DOCK8: variants seen among roughly 807,000 people sequenced by gnomAD.
DOCK8 encodes dedicator of cytokinesis 8, also known as dedicator of cytokinesis protein 8.
Under a neutral mutation model 245.6 loss-of-function variants are expected in DOCK8, and 141 were observed. The ratio of observed to expected loss-of-function variants is 0.57; its 90% CI spans 0.50 to 0.66. DOCK8 has a LOEUF of 0.66. Among genes scored for constraint, DOCK8 ranks in the 30% least tolerant of loss-of-function variants. The probability of loss-of-function intolerance (pLI) is 0.00; values close to 1 mark genes in which losing one functional copy is unlikely to be tolerated. For synonymous variants in DOCK8, 1,168 were observed against 970.2 expected (o/e 1.20, Z -3.79); for missense variants, 2,965 against 2,603.4 (o/e 1.14, Z -3.02).
intron 3 of DOCK8, among the ~76,000 whole-genome samples, chr9:287,791 C>CT (rs1309666210): frequency 1.3e-5 from 2 of 152,172 alleles, no homozygotes; most frequent in Non-Finnish European, 2.9e-5. Flanking sequence ...ACTATTTCAT[C>CT]TTTAGTGAAG....
intron 18 of DOCK8, among the ~76,000 whole-genome samples, chr9:372,681 G>C (rs1420198764): frequency 6.6e-6 from 1 of 152,164 alleles, no homozygotes; most frequent in Non-Finnish European, 1.5e-5. Context: ...CCCTCCGGTA[G>C]ATACCAAGGT....
chr9:363,516 C>G (rs963591707), intron 14 of DOCK8, among the ~76,000 whole-genome samples: 1 of 152,142 alleles, frequency 6.6e-6, no homozygotes, highest in South Asian at 2.1e-4. Context: ...CTCTTGTATT[C>G]GTTTCTTTAA....
At chr9:271,408 C>T (rs1201870479) in intron 1 of DOCK8, among the ~76,000 whole-genome samples, 1 of 152,184 alleles carries the variant, frequency 6.6e-6, no homozygotes, top group Non-Finnish European at 1.5e-5. Flanking sequence ...CAGGACCTGA[C>T]TGCAGGCATC....
chr9:417,214 C>T (rs2056062942), intron 29 of DOCK8, among the ~76,000 whole-genome samples: 1 of 152,112 alleles, frequency 6.6e-6, no homozygotes, highest in African/African-American at 2.4e-5. Flanking sequence ...GATGGAGGGG[C>T]AGAGATTGCA....
chr9:317,431 T>C (rs1307428864), intron 7 of DOCK8, among the ~76,000 whole-genome samples: 1 of 152,170 alleles, frequency 6.6e-6, no homozygotes, highest in Non-Finnish European at 1.5e-5. Context: ...AAGTCAGTGG[T>C]GTGCTGGAGT....
chr9:264,316 A>G (rs956460207), intron 1 of DOCK8, among the ~76,000 whole-genome samples: 15 of 152,232 alleles, frequency 9.9e-5, no homozygotes, highest in African/African-American at 3.6e-4. Context: ...GTCATCTAAT[A>G]AACATTCTAC....
intron 30 of DOCK8, among the ~76,000 whole-genome samples, chr9:418,954 C>T (rs1275860968): frequency 6.6e-6 from 1 of 152,108 alleles, no homozygotes; most frequent in East Asian, 1.9e-4. Flanking sequence ...TGCAGCTTTT[C>T]TAGGACCCCA....
rs75523038 is a variant in DOCK8, at chr9:445,718, G to A, written c.5581-652G>A. Among the ~76,000 whole-genome samples the A allele has an allele frequency of 3.9e-3, 545 of 140,162 alleles. 3 individuals carry two copies. The highest frequency in any genetic ancestry group is 0.013 in the African/African-American group (506 of 38,582). The allele number at this position is 140,162 out of a possible 152,430, so 92.0% of individuals were successfully genotyped here. A position where few individuals can be genotyped will look rare whatever the true frequency, so the allele number is the denominator to read the frequency against. The stretch of plus-strand genomic sequence containing the variant: ...ATTTGCTTGTTAATTCCCCACTGGA[G>A]TGACATTTGGGTTGTTTCTAGTCTT... On this transcript the variant is annotated intron_variant, in intron 43 of 47. Coordinates refer to ENST00000432829, the MANE Select transcript of DOCK8 (RefSeq NM_203447.4).
At chr9:323,218 CTTTTTT>C (rs1164158230) in intron 7 of DOCK8, among the ~76,000 whole-genome samples, 1 of 67,218 alleles carries the variant, frequency 1.5e-5, no homozygotes. Flanking sequence ...AATCTACCAT[CTTTTTT>C]TTTTTTTTTT....
intron 7 of DOCK8, among the ~76,000 whole-genome samples, chr9:323,453 C>T (rs1313698019): frequency 6.6e-6 from 1 of 151,974 alleles, no homozygotes; most frequent in Non-Finnish European, 1.5e-5. Context: ...GAACTCCTGA[C>T]CTCATGATCC....
Position 370,319 on chromosome 9 carries a change from T to A in DOCK8, c.1868+19T>A, listed in dbSNP as rs2053227905. On this transcript the variant is annotated intron_variant, in intron 16 of 47. Transcript: ENST00000432829. ...ATAATAAGTAAGTCTATTTCAGCAT[T>A]CTAAATATATGCCAAGATGGTTTCA... The A allele has an allele frequency of 6.2e-7, 1 of 1,606,790 alleles. No individual in the cohort carries two copies. Among genetic ancestry groups the A allele is most frequent in the Non-Finnish European group, 8.5e-7 (1 of 1,173,430 alleles).
At chr9:274,490 CTT>C (rs35765480) in intron 2 of DOCK8, among the ~76,000 whole-genome samples, 4 of 135,258 alleles carry the variant, frequency 3.0e-5, no homozygotes, top group Admixed American at 7.6e-5. Context: ...TCTTTCTTTT[CTT>C]TTTTTTTTTT....
At position 452,134 on chromosome 9, in the gene DOCK8, C is replaced by CT. The variant is rs758554630; in HGVS notation, c.6068+18dup. Reference sequence around the variant, plus strand: ...CATCATGAGGTAAGAAGGAAAATGGCTGGGAATTTCAGTAGAGCAGTGGTT... The same window carrying CT: ...CATCATGAGGTAAGAAGGAAAATGGCTTGGGAATTTCAGTAGAGCAGTGGTT... On this transcript the variant is annotated intron_variant, in intron 46 of 47. Transcript: ENST00000432829. The CT allele has an allele frequency of 1.3e-6, 2 of 1,543,480 alleles. No homozygotes were observed. Among genetic ancestry groups the CT allele is most frequent in the Non-Finnish European group, 1.8e-6 (2 of 1,117,494 alleles).
chr9:420,446 C>T lies in DOCK8; in HGVS notation c.3886C>T (p.Leu1296Phe). The T allele has an allele frequency of 1.2e-5, 19 of 1,614,168 alleles. No homozygotes were observed. The highest frequency in any genetic ancestry group is 1.6e-5 in the Non-Finnish European group (19 of 1,180,038). ...GCTGAACGCGGACACTACTCGCAAC[C>T]TCATGATCTGCTTCCTCTGGATCAT... ...NMLNADTTRN[L>F]MICFLWIMKN... Residue 1296 changes from leucine to phenylalanine, a missense_variant, in exon 31 of 48, where the codon CTC (leucine) becomes TTC (phenylalanine). By Grantham distance (22) the Leu-to-Phe change is conservative. Coordinates refer to ENST00000432829, the MANE Select transcript of DOCK8 (RefSeq NM_203447.4).
intron 4 of DOCK8, among the ~76,000 whole-genome samples, chr9:294,370 C>G (rs2049169045): frequency 6.6e-6 from 1 of 152,242 alleles, no homozygotes; most frequent in African/African-American, 2.4e-5. Context: ...AAAAGTCGTG[C>G]TGTTTCATTC....
intron 2 of DOCK8, among the ~76,000 whole-genome samples, chr9:275,431 T>C (rs1417683961): frequency 6.6e-6 from 1 of 152,070 alleles, no homozygotes; most frequent in African/African-American, 2.4e-5. Context: ...AGAGTAAGGG[T>C]TCTCAGCCCT....
chr9:337,180 C>T (rs1475989744), intron 12 of DOCK8, among the ~76,000 whole-genome samples: 1 of 152,188 alleles, frequency 6.6e-6, no homozygotes, highest in Non-Finnish European at 1.5e-5. Context: ...AACACTGCCA[C>T]CATGGGGACC....
At chr9:416,689 A>G (rs1421366060) in intron 29 of DOCK8, among the ~76,000 whole-genome samples, 1 of 152,064 alleles carries the variant, frequency 6.6e-6, no homozygotes, top group African/African-American at 2.4e-5. Context: ...TATTAATATA[A>G]GTGACCTTTG....
chr9:361,895 T>A (rs371719891), intron 14 of DOCK8, among the ~76,000 whole-genome samples: 1 of 152,208 alleles, frequency 6.6e-6, no homozygotes, highest in East Asian at 1.9e-4. Context: ...TTTACAGCCC[T>A]GTCAAAGATA....
Sources: gnomAD v4.1 joint callset for allele counts (sites outside exome capture counted in the v4.1 genomes callset) on GRCh38, gnomAD v4.1.1 for gene constraint, MANE v1.5 for transcripts, NCBI Gene and HGNC (gene_info 2026-07-23, HGNC 2026-07-21) for gene names.